Variants in FAM120A observed in about 807,000 individuals in gnomAD.
FAM120A encodes the protein family with sequence similarity 120 member A, also known as constitutive coactivator of PPAR-gamma-like protein 1.
FAM120A carries 15 observed loss-of-function variants against 109.7 expected under a neutral mutation model. That is an observed-to-expected ratio of 0.14 (90% CI 0.09 to 0.21). The LOEUF (loss-of-function observed/expected upper bound fraction) is 0.21, where lower values mean the gene tolerates loss of function less well. Ranked by LOEUF, FAM120A falls within the 10% of genes least tolerant of loss-of-function variation. The pLI is 1.00. For missense variants in FAM120A, 899 were observed against 1,439.3 expected, an observed-to-expected ratio of 0.62 and a Z score of 6.07; for synonymous variants, 493 against 572.8, an observed-to-expected ratio of 0.86 and a Z score of 1.99.
chr9:93,524,219 C>T (rs1564343799), intron 7 of FAM120A, among the ~76,000 whole-genome samples: 1 of 152,110 alleles, frequency 6.6e-6, no homozygotes, highest in Non-Finnish European at 1.5e-5. Context: ...GGTTTATTTG[C>T]CTTTGCTCTT....
chr9:93,527,614 A>ATTTTTTT (rs67894788), intron 8 of FAM120A, among the ~76,000 whole-genome samples: 8 of 80,700 alleles, frequency 9.9e-5, no homozygotes, highest in Admixed American at 1.8e-4. Context: ...TTTGTATTTA[A>ATTTTTTT]TTTTTTTTTT....
chr9:93,465,723 T>G (rs568984516), intron 1 of FAM120A, among the ~76,000 whole-genome samples: 20 of 152,314 alleles, frequency 1.3e-4, no homozygotes, highest in African/African-American at 4.8e-4. Context: ...AAAATACCCT[T>G]GGTAGACTAC....
intron 10 of FAM120A, among the ~76,000 whole-genome samples, chr9:93,542,976 A>G (rs1176122369): frequency 6.6e-6 from 1 of 152,246 alleles, no homozygotes; most frequent in African/African-American, 2.4e-5. Context: ...TCAAGTCATG[A>G]TTTGATTGGA....
chr9:93,464,593 T>C (rs1313879045), intron 1 of FAM120A, among the ~76,000 whole-genome samples: 1 of 152,192 alleles, frequency 6.6e-6, no homozygotes, highest in Non-Finnish European at 1.5e-5. Flanking sequence ...TCCTCGGGGT[T>C]GTTTACAGAA....
At chr9:93,521,649 A>G (rs1463669516) in intron 7 of FAM120A, among the ~76,000 whole-genome samples, 1 of 152,054 alleles carries the variant, frequency 6.6e-6, no homozygotes, top group Non-Finnish European at 1.5e-5. Context: ...TGTCTCCTCC[A>G]GTTCCTTTGT....
intron 5 of FAM120A, among the ~76,000 whole-genome samples, chr9:93,510,502 C>T (rs1438791283): frequency 6.6e-6 from 1 of 152,178 alleles, no homozygotes; most frequent in Non-Finnish European, 1.5e-5. Flanking sequence ...AAGTAGCGAC[C>T]TGGTAGAGTT....
chr9:93,466,541 G>A (rs1858026654), intron 1 of FAM120A, among the ~76,000 whole-genome samples: 1 of 151,818 alleles, frequency 6.6e-6, no homozygotes, highest in Admixed American at 6.6e-5. Flanking sequence ...GAGAAGCCCC[G>A]GTTCTTTGTT....
intron 7 of FAM120A, among the ~76,000 whole-genome samples, chr9:93,518,650 C>T (rs72745420): frequency 0.026 from 3,961 of 152,232 alleles, 84 homozygotes; most frequent in Non-Finnish European, 0.043. Context: ...GAAGCCCTGA[C>T]GAGTGCGTGA....
Position 93,558,710 on chromosome 9 carries a change from C to A in FAM120A, c.2798C>A (p.Ser933Tyr). 1 of 1,613,912 alleles carries A rather than the reference C, an allele frequency of 6.2e-7. No homozygotes were observed. The highest frequency in any genetic ancestry group is 8.5e-7 in the Non-Finnish European group (1 of 1,179,974). Residue 933 changes from serine to tyrosine, a missense_variant, in exon 15 of 18, where the codon TCC (serine) becomes TAC (tyrosine). Physicochemically the swap from Ser to Tyr is moderately radical, Grantham distance 144. Around this residue, in one of 11 missense-constraint regions of FAM120A, gnomAD observed 129 missense variants for 153.4 expected, o/e 0.84. Transcript: ENST00000277165. ...AGTGACAGCAGCAGGACTAGCAAGT[C>A]CCAGGGCGGTAATTATACCCACCCC... ...SGSDSSRTSK[S>Y]QGGVQPIPSQ...
rs770811180 is a variant in FAM120A, at chr9:93,476,350, A to G, written c.804+12A>G. ...TAGCCTCACTAAAGGTACAAATTTC[A>G]CTTTATTTTTCTAGCATTTGTAATA... On this transcript the variant is annotated intron_variant, in intron 3 of 17. Transcript: ENST00000277165. 1.9e-6 allele frequency: 3 copies of G among 1,551,456 alleles called. No individual in the cohort carries two copies. The highest frequency in any genetic ancestry group is 1.4e-5 in the African/African-American group (1 of 73,280).
At chr9:93,511,732 A>G (rs1265471579) in intron 5 of FAM120A, among the ~76,000 whole-genome samples, 1 of 152,186 alleles carries the variant, frequency 6.6e-6, no homozygotes, top group Non-Finnish European at 1.5e-5. Context: ...TTAATCTTGG[A>G]CTCGACATCT....
chr9:93,534,392 CTCCTTTT>C (rs1465482204), intron 10 of FAM120A, among the ~76,000 whole-genome samples: 7 of 152,112 alleles, frequency 4.6e-5, no homozygotes, highest in African/African-American at 1.7e-4. Flanking sequence ...CATCCTGTGG[CTCCTTTT>C]CTTCCAAAGG....
chr9:93,508,567 G>A (rs1002510720), intron 5 of FAM120A, among the ~76,000 whole-genome samples: 2 of 152,234 alleles, frequency 1.3e-5, no homozygotes, highest in African/African-American at 2.4e-5. Context: ...AGCCTGCCCA[G>A]GAGAGGGAAT....
intron 11 of FAM120A, among the ~76,000 whole-genome samples, chr9:93,546,247 T>G (rs1489730218): frequency 6.6e-6 from 1 of 152,194 alleles, no homozygotes; most frequent in Admixed American, 6.5e-5. Context: ...TTACTTTTTT[T>G]GTATTTTTCT....
chr9:93,545,312 A>G (rs1861841229), intron 11 of FAM120A, among the ~76,000 whole-genome samples: 1 of 152,138 alleles, frequency 6.6e-6, no homozygotes, highest in Admixed American at 6.5e-5. Flanking sequence ...GTATTCCTAT[A>G]TCTCATTGAA....
In FAM120A at chr9:93,498,769, G is replaced by A; in HGVS notation, c.934-21G>A. 6.8e-7 allele frequency: 1 copy of A among 1,466,632 alleles called. No individual in the cohort carries two copies. Among genetic ancestry groups the A allele is most frequent in the Non-Finnish European group, 9.6e-7 (1 of 1,045,730 alleles). The allele number at this position is 1,466,632 out of a possible 1,614,324, so 90.9% of individuals were successfully genotyped here. On this transcript the variant is annotated intron_variant, in intron 4 of 17. Transcript: ENST00000277165. The surrounding 1 kb of genome is among the most constrained non-coding windows in gnomAD (Gnocchi z 4.4). The stretch of plus-strand genomic sequence containing the variant: ...ACCAGTGGCACACTAATTTATGAAG[G>A]TTTTCCTGCCTTTATTTCAGTCTAG...
At chr9:93,544,832 G>C (rs1861825065) in intron 11 of FAM120A, among the ~76,000 whole-genome samples, 1 of 152,156 alleles carries the variant, frequency 6.6e-6, no homozygotes, top group Non-Finnish European at 1.5e-5. Context: ...CCATTAGGCA[G>C]GACACTGGCT....
At chr9:93,521,186 C>T (rs567337988) in intron 7 of FAM120A, among the ~76,000 whole-genome samples, 2 of 152,288 alleles carry the variant, frequency 1.3e-5, no homozygotes, top group South Asian at 2.1e-4. Flanking sequence ...GTTGGAAGCT[C>T]AGTTCTGAGT....
chr9:93,457,804 T>C, intron 1 of FAM120A, among the ~76,000 whole-genome samples: 1 of 81,632 alleles, frequency 1.2e-5, no homozygotes, highest in African/African-American at 2.9e-5. Flanking sequence ...ATCTCTTCCT[T>C]TTTTTTTTTT....
Sources: gnomAD v4.1 joint callset for allele counts (sites outside exome capture counted in the v4.1 genomes callset) on GRCh38, gnomAD v4.1.1 for gene constraint, gnomAD v4.1.1 regional missense constraint, Gnocchi (gnomAD v3.1) non-coding constraint, MANE v1.5 for transcripts, NCBI Gene and HGNC (gene_info 2026-07-23, HGNC 2026-07-21) for gene names.